SMARCA4: variants seen among roughly 807,000 people sequenced by gnomAD.
The protein encoded by SMARCA4 is SWI/SNF related BAF chromatin remodeling complex subunit ATPase 4.
In SMARCA4, 31 loss-of-function variants were observed where a neutral mutation model predicts 193.9. The ratio of observed to expected loss-of-function variants is 0.16; its 90% CI spans 0.12 to 0.22. The LOEUF (loss-of-function observed/expected upper bound fraction) is 0.22. Among genes scored for constraint, SMARCA4 ranks in the 10% least tolerant of loss-of-function variants. The pLI is 1.00. For missense variants in SMARCA4, 1,148 were observed against 2,296.0 expected, an observed-to-expected ratio of 0.50 and a Z score of 10.22; for synonymous variants, 942 against 933.1, an observed-to-expected ratio of 1.01 and a Z score of -0.17.
At position 11,030,919 on chromosome 19, in the gene SMARCA4, G is replaced by A. The variant is rs746996830; in HGVS notation, c.3546+26G>A. On this transcript the variant is annotated intron_variant, in intron 25 of 34. Transcript: ENST00000344626. This position sits in a 1 kb window ranked among gnomAD's most constrained non-coding sequence, Gnocchi z 5.5. ...GTAAAAGCGGGCCGGGCCCCAGGTC[G>A]AGGAGAAGGAAGGGGGTGCCTGCAA... The A allele has an allele frequency of 2.6e-5, 41 of 1,602,848 alleles. No individual in the cohort carries two copies. In the South Asian group the frequency reaches 2.8e-4, roughly 11 times the overall value.
Position 11,019,034 on chromosome 19 carries a change from G to A in SMARCA4, c.2505+11G>A, listed in dbSNP as rs1568481776. 1.9e-6 allele frequency: 3 copies of A among 1,610,024 alleles called. No individual in the cohort carries two copies. In the South Asian group the frequency reaches 3.3e-5, roughly 18 times the overall value. ...AAGGTGTCTTACAAGGTAGGTCACA[G>A]CCACTGAGGTTTCCTCTCTTGCTAC... On this transcript the variant is annotated intron_variant, in intron 17 of 34. Coordinates refer to ENST00000344626, the MANE Select transcript of SMARCA4 (RefSeq NM_003072.5). This position sits in a 1 kb window ranked among gnomAD's most constrained non-coding sequence, Gnocchi z 6.1.
chr19:11,002,787 G>T (rs529495337), intron 11 of SMARCA4, among the ~76,000 whole-genome samples: 1 of 137,488 alleles, frequency 7.3e-6, no homozygotes, highest in Admixed American at 7.8e-5. Flanking sequence ...GTGACAGAGC[G>T]AGACTCCGTC....
At chr19:10,993,078 T>C (rs1355255362) in intron 8 of SMARCA4, among the ~76,000 whole-genome samples, 1 of 151,122 alleles carries the variant, frequency 6.6e-6, no homozygotes, top group Non-Finnish European at 1.5e-5. Context: ...CTCTGTCTTC[T>C]GGGTTCAAGC....
chr19:11,027,501 T>G (rs1437063253), intron 23 of SMARCA4, among the ~76,000 whole-genome samples: 1 of 152,216 alleles, frequency 6.6e-6, no homozygotes, highest in African/African-American at 2.4e-5. Context: ...GCCGGCCATG[T>G]GACTCACAGC....
intron 11 of SMARCA4, among the ~76,000 whole-genome samples, chr19:11,000,551 T>A (rs1051528492): frequency 6.6e-6 from 1 of 151,680 alleles, no homozygotes; most frequent in Admixed American, 6.6e-5. Context: ...CAGCCAGTTC[T>A]GTCTCACAGT....
intron 16 of SMARCA4, among the ~76,000 whole-genome samples, chr19:11,013,832 A>G (rs1323978745): frequency 6.6e-6 from 1 of 152,132 alleles, no homozygotes; most frequent in African/African-American, 2.4e-5. Context: ...GTCCTTGGGC[A>G]TGGTGGGATC....
At chr19:11,008,502 C>T (rs2088466304) in intron 14 of SMARCA4, among the ~76,000 whole-genome samples, 2 of 152,240 alleles carry the variant, frequency 1.3e-5, no homozygotes, top group African/African-American at 4.8e-5. Context: ...AGAGTGCTTC[C>T]AGTCTGGTCC....
At chr19:11,012,719 A>G (rs1236560759) in intron 15 of SMARCA4, 2 of 583,296 alleles carry the variant, frequency 3.4e-6, no homozygotes, top group Non-Finnish European at 6.3e-6. Flanking sequence ...ACACGTGTCC[A>G]TCGTTCGCAC....
chr19:11,060,634 G>A (rs1050775223), intron 34 of SMARCA4: 35 of 228,574 alleles, frequency 1.5e-4, no homozygotes, highest in African/African-American at 6.9e-4. Flanking sequence ...GGGGTGCAGT[G>A]GGGAGCCGGA....
chr19:11,009,278 C>T lies in SMARCA4; in HGVS notation c.2124-1103C>T, dbSNP rs140875431. Among the ~76,000 whole-genome samples the T allele has an allele frequency of 7.8e-3, 1,189 of 151,886 alleles. 16 individuals are homozygous for T. The highest frequency in any genetic ancestry group is 0.027 in the African/African-American group (1,125 of 41,420). On this transcript the variant is annotated intron_variant, in intron 14 of 34. Transcript: ENST00000344626. Reference sequence around the variant, plus strand: ...CTCATGATCTACCCACTTTGAGCTCCCAAAGTGCTGGGATTACAGGCGTGA... The same window carrying T: ...CTCATGATCTACCCACTTTGAGCTCTCAAAGTGCTGGGATTACAGGCGTGA...
At chr19:11,002,879 T>C in intron 11 of SMARCA4, 150 bp from the exon 12 acceptor site, 1 of 749,614 alleles carries the variant, frequency 1.3e-6, no homozygotes, top group East Asian at 2.6e-5. Context: ...GATTACTGAG[T>C]ATACAGTTTA....
At chr19:11,008,156 G>A in intron 14 of SMARCA4, 133 bp downstream of exon 14, 3 of 864,942 alleles carry the variant, frequency 3.5e-6, no homozygotes, top group Non-Finnish European at 5.7e-6. Flanking sequence ...GAACTACAGA[G>A]ACCAAATTTA....
intron 1 of SMARCA4, among the ~76,000 whole-genome samples, chr19:10,968,660 T>C (rs574228592): frequency 7.9e-5 from 12 of 152,224 alleles, no homozygotes; most frequent in Non-Finnish European, 1.8e-4. Flanking sequence ...GGGAGTTTTT[T>C]AAGTTTTCTC....
chr19:11,039,524 G>A lies in SMARCA4; in HGVS notation c.4171-1783G>A, dbSNP rs779485266. 1 of 1,604,138 alleles carries A rather than the reference G, an allele frequency of 6.2e-7. No individual in the cohort carries two copies. The highest frequency in any genetic ancestry group is 8.5e-7 in the Non-Finnish European group (1 of 1,176,220). On this transcript the variant is annotated intron_variant, in intron 29 of 34. Transcript: ENST00000344626. ...GGCACGTGGGCTACAATTCCAGCGT[G>A]GCCTTCAGTTCTGCACACGTGCGTC...
At chr19:11,026,498 T>A in intron 23 of SMARCA4, 152 bp downstream of exon 23, 4 of 88,836 alleles carry the variant, frequency 4.5e-5, no homozygotes, top group Non-Finnish European at 2.2e-5. Context: ...AATACAAATC[T>A]TTTTTTTTTT....
chr19:10,990,621 C>A (rs1431448531), intron 7 of SMARCA4, among the ~76,000 whole-genome samples: 2 of 152,122 alleles, frequency 1.3e-5, no homozygotes, highest in Non-Finnish European at 2.9e-5. Context: ...CCATGTCGCC[C>A]AGGCTAGTCT....
intron 30 of SMARCA4, among the ~76,000 whole-genome samples, chr19:11,042,370 A>G (rs950568968): frequency 1.3e-5 from 2 of 152,218 alleles, no homozygotes; most frequent in Non-Finnish European, 2.9e-5. Context: ...CTGCCAGCCC[A>G]GGGCAGGTCA....
Position 11,039,493 on chromosome 19 carries a change from C to T in SMARCA4, c.4171-1814C>T, listed in dbSNP as rs1362224320. On this transcript the variant is annotated intron_variant, in intron 29 of 34. Coordinates refer to ENST00000344626, the MANE Select transcript of SMARCA4 (RefSeq NM_003072.5). ...GAAAAGATATCCATGACACAGCCAG[C>T]AGTGTGGCACGTGGGCTACAATTCC... The T allele has an allele frequency of 4.4e-6, 7 of 1,601,224 alleles. No homozygotes were observed. Among genetic ancestry groups the T allele is most frequent in the Non-Finnish European group, 6.0e-6 (7 of 1,175,372 alleles).
intron 29 of SMARCA4, among the ~76,000 whole-genome samples, chr19:11,037,276 G>A (rs2075321559): frequency 6.6e-6 from 1 of 152,224 alleles, no homozygotes; most frequent in Admixed American, 6.5e-5. Context: ...AGTTCCACCA[G>A]CTGTGTATGA....
Sources: allele counts gnomAD v4.1 joint callset (sites outside exome capture counted in the v4.1 genomes callset), GRCh38; gene constraint gnomAD v4.1.1; non-coding constraint Gnocchi (gnomAD v3.1); transcripts MANE v1.5; gene names NCBI Gene and HGNC (gene_info 2026-07-23, HGNC 2026-07-21).